TBPL1: variants seen among roughly 807,000 people sequenced by gnomAD.
The protein encoded by TBPL1 is TATA-box binding protein like 1.
In TBPL1, 4 loss-of-function variants were observed where a neutral mutation model predicts 22.1. The observed-to-expected ratio is 0.18, with a 90% CI of 0.09 to 0.41. The LOEUF (loss-of-function observed/expected upper bound fraction) is 0.41. TBPL1 is among the 10% of genes least tolerant of loss of function. The pLI, the probability that TBPL1 is intolerant of heterozygous loss-of-function variation, is 1.00. For synonymous variants in TBPL1, 64 were observed against 71.0 expected (o/e 0.90, Z 0.50); for missense variants, 115 against 222.3 (o/e 0.52, Z 3.07).
chr6:133,985,793 C>T (rs188520101), intron 6 of TBPL1: 3 of 152,148 alleles, frequency 2.0e-5, no homozygotes, highest in African/African-American at 7.2e-5. Context: ...TTCCATCTTC[C>T]TTGGGGACTT....
intron 1 of TBPL1, among the ~76,000 whole-genome samples, chr6:133,970,012 T>G (rs553985594): frequency 9.2e-5 from 14 of 152,350 alleles, no homozygotes; most frequent in African/African-American, 3.4e-4. Context: ...AATAGAAGAC[T>G]TGTTTTGTGC....
intron 1 of TBPL1, among the ~76,000 whole-genome samples, chr6:133,963,735 G>A (rs9402554): frequency 0.64 from 97,622 of 151,440 alleles, 32,310 homozygotes; most frequent in African/African-American, 0.74. Flanking sequence ...TCTTTTTCTT[G>A]ATCGTTAAGA....
At chr6:133,980,962 A>ATTTTTTTTTTTTTTTTTTTTTTTTTTT (rs10713725) in intron 2 of TBPL1, among the ~76,000 whole-genome samples, 1 of 97,120 alleles carries the variant, frequency 1.0e-5, no homozygotes, top group Non-Finnish European at 2.0e-5. Context: ...TAATTAATTA[A>ATTTTTTTTTTTTTTTTTTTTTTTTTTT]TTTTTTTTTT....
rs1776497829 is a variant in TBPL1, at chr6:133,985,316, A to AAAAAAAAAAAC, written c.481+645_481+646insAAAAAAAAAAC. Among the ~76,000 whole-genome samples, 2 of 105,534 alleles carry AAAAAAAAAAAC rather than the reference A, an allele frequency of 1.9e-5. 1 individual carries two copies. Among genetic ancestry groups the AAAAAAAAAAAC allele is most frequent in the Non-Finnish European group, 4.0e-5 (2 of 50,302 alleles). The allele number at this position is 105,534 out of a possible 152,430, so 69.2% of individuals were successfully genotyped here. On this transcript the variant is annotated intron_variant, in intron 6 of 6. Coordinates refer to ENST00000237264, the MANE Select transcript of TBPL1 (RefSeq NM_004865.4). ...AAAAAAAATATATATATATATATATATATATATATATATATATATATACAC... is the reference window on the plus strand; with the variant it reads ...AAAAAAAATATATATATATATATATAAAAAAAAAAACTATATATATATATATATATATACAC...
At chr6:133,970,170 A>G (rs894833589) in intron 1 of TBPL1, among the ~76,000 whole-genome samples, 3 of 151,982 alleles carry the variant, frequency 2.0e-5, no homozygotes, top group Admixed American at 6.5e-5. Flanking sequence ...GACTCTGTCA[A>G]TTTTCTTTTT....
intron 1 of TBPL1, among the ~76,000 whole-genome samples, chr6:133,973,403 C>A (rs946183584): frequency 1.3e-5 from 2 of 152,112 alleles, no homozygotes; most frequent in Non-Finnish European, 2.9e-5. Context: ...TTCTTCTTTT[C>A]TGTATTCTCA....
Position 133,990,113 on chromosome 6 carries a change from A to G in TBPL1, c.*3073A>G, listed in dbSNP as rs1776600412. 6.5e-6 allele frequency: 1 copy of G among 152,688 alleles called. No individual in the cohort carries two copies. Among genetic ancestry groups the G allele is most frequent in the South Asian group, 2.1e-4 (1 of 4,834 alleles). 9.5% of individuals were successfully genotyped at this position (152,688 alleles called of 1,614,324 possible). On this transcript the variant is annotated 3_prime_UTR_variant, in exon 7 of 7. Coordinates refer to ENST00000237264, the MANE Select transcript of TBPL1 (RefSeq NM_004865.4). ...CACGTTGCTGGTACAGGTGGCCATC[A>G]TAGAAAAGAACATGAGGGAATTGTC...
intron 6 of TBPL1, among the ~76,000 whole-genome samples, chr6:133,985,243 C>T (rs1307361032): frequency 7.6e-6 from 1 of 132,424 alleles, no homozygotes; most frequent in Non-Finnish European, 1.5e-5. Flanking sequence ...CGCACCACTG[C>T]ACTCCAGACT....
intron 1 of TBPL1, among the ~76,000 whole-genome samples, chr6:133,970,993 G>A (rs1387034649): frequency 6.6e-6 from 1 of 152,060 alleles, no homozygotes; most frequent in Admixed American, 6.6e-5. Flanking sequence ...ATACTTTACT[G>A]TTCACCATGG....
intron 1 of TBPL1, among the ~76,000 whole-genome samples, chr6:133,963,749 G>A (rs1325457636): frequency 6.6e-6 from 1 of 151,592 alleles, no homozygotes; most frequent in Non-Finnish European, 1.5e-5. Context: ...GTTAAGAACC[G>A]GCCTGGCGCG....
chr6:133,985,507 A>G (rs954781605), intron 6 of TBPL1, among the ~76,000 whole-genome samples: 8 of 151,248 alleles, frequency 5.3e-5, no homozygotes, highest in African/African-American at 1.7e-4. Context: ...GTCTTGCTAT[A>G]TCTTTTAATC....
rs759444845 is a variant in TBPL1 at position 133,967,754 on chromosome 6, G to A, written c.-44-12328G>A. Among the ~76,000 whole-genome samples the A allele has an allele frequency of 3.9e-5, 6 of 152,178 alleles. No individual in the cohort carries two copies. In the East Asian group the frequency reaches 7.7e-4, roughly 19 times the overall value. On this transcript the variant is annotated intron_variant, in intron 1 of 6. Transcript: ENST00000237264. The stretch of plus-strand genomic sequence containing the variant: ...CCCTGGACCAAAACATTGTTAGGCA[G>A]CACATGACTGTGTTTGAAAAGTTCA...
rs1043199920 is a variant in TBPL1 at position 133,989,661 on chromosome 6, G to C, written c.*2621G>C. ...ATTTTTATACAGATAATACACTGCA[G>C]ATCCAGGCCTTTTAGTCAGTCTCCT... On this transcript the variant is annotated 3_prime_UTR_variant, in exon 7 of 7. Coordinates refer to ENST00000237264, the MANE Select transcript of TBPL1 (RefSeq NM_004865.4). The C allele has an allele frequency of 1.3e-5, 2 of 152,252 alleles. No individual in the cohort carries two copies. Among genetic ancestry groups the C allele is most frequent in the Non-Finnish European group, 2.9e-5 (2 of 68,004 alleles). The allele number at this position is 152,252 out of a possible 1,614,324, so 9.4% of individuals were successfully genotyped here. A position where few individuals can be genotyped will look rare whatever the true frequency, so the allele number is the denominator to read the frequency against.
intron 1 of TBPL1, among the ~76,000 whole-genome samples, chr6:133,958,231 G>A (rs1291448504): frequency 6.6e-6 from 1 of 152,152 alleles, no homozygotes; most frequent in Non-Finnish European, 1.5e-5. Flanking sequence ...TGAATAAAAG[G>A]AATAAACCCC....
At chr6:133,974,414 A>C (rs1234246921) in intron 1 of TBPL1, among the ~76,000 whole-genome samples, 1 of 152,064 alleles carries the variant, frequency 6.6e-6, no homozygotes, top group East Asian at 1.9e-4. Flanking sequence ...GCTCACTGCA[A>C]CCTCCGCCTC....
At chr6:133,968,896 A>T (rs1776169914) in intron 1 of TBPL1, 1 of 152,106 alleles carries the variant, frequency 6.6e-6, no homozygotes, top group South Asian at 2.1e-4. Flanking sequence ...CCTGACCTCA[A>T]ATGATCCACC....
intron 1 of TBPL1, among the ~76,000 whole-genome samples, chr6:133,975,484 A>G (rs1776297253): frequency 6.6e-6 from 1 of 152,204 alleles, no homozygotes; most frequent in Non-Finnish European, 1.5e-5. Flanking sequence ...ATCTTCAGGT[A>G]ACGTCTTCTA....
chr6:133,981,412 T>G (rs897529977), intron 2 of TBPL1, among the ~76,000 whole-genome samples: 2 of 152,156 alleles, frequency 1.3e-5, no homozygotes, highest in African/African-American at 4.8e-5. Context: ...CTCAAAAGTT[T>G]AGAGAGGAAT....
chr6:133,960,767 A>G (rs1776008565), intron 1 of TBPL1, among the ~76,000 whole-genome samples: 1 of 152,184 alleles, frequency 6.6e-6, no homozygotes, highest in African/African-American at 2.4e-5. Flanking sequence ...CAGGGTGGCC[A>G]TTCTCTGATG....
Sources: gnomAD v4.1 joint callset for allele counts (sites outside exome capture counted in the v4.1 genomes callset) on GRCh38, gnomAD v4.1.1 for gene constraint, MANE v1.5 for transcripts, NCBI Gene and HGNC (gene_info 2026-07-23, HGNC 2026-07-21) for gene names.